The following FAM117B variants were observed in gnomAD, a reference collection of about 807,000 sequenced individuals.
FAM117B encodes protein FAM117B.
Under a neutral mutation model 52.8 loss-of-function variants are expected in FAM117B, and 22 were observed. That is an observed-to-expected ratio of 0.42 (90% confidence interval 0.30 to 0.59). The LOEUF (loss-of-function observed/expected upper bound fraction) is 0.59. Among genes scored for constraint, FAM117B ranks in the 20% least tolerant of loss-of-function variants. FAM117B has a pLI of 0.22. For synonymous variants in FAM117B, 309 were observed against 324.1 expected (o/e 0.95, Z 0.50); for missense variants, 678 against 802.6 (o/e 0.84, Z 1.88).
chr2:202,638,370 C>T lies in FAM117B; in HGVS notation c.601+2582C>T, dbSNP rs1689718378. Reference sequence around the variant, plus strand: ...AACAACTGTTTGACACTCAGAGAAACACCCTGAGGAGAACTGGGTTGAATT... The same window carrying T: ...AACAACTGTTTGACACTCAGAGAAATACCCTGAGGAGAACTGGGTTGAATT... On this transcript the variant is annotated intron_variant, in intron 1 of 7. Coordinates refer to ENST00000392238, the MANE Select transcript of FAM117B (RefSeq NM_173511.4). Among the ~76,000 whole-genome samples, 3 of 152,132 alleles carry T rather than the reference C, an allele frequency of 2.0e-5. No individual in the cohort carries two copies. In the South Asian group the frequency reaches 6.2e-4, roughly 32 times the overall value.
rs1692015561 is a variant in FAM117B, at chr2:202,768,281, C to T, written c.*2517C>T. The T allele has an allele frequency of 6.6e-6, 1 of 152,070 alleles. No individual in the cohort carries two copies. The highest frequency in any genetic ancestry group is 1.5e-5 in the Non-Finnish European group (1 of 68,014). 9.4% of individuals were successfully genotyped at this position (152,070 alleles called of 1,614,324 possible). On this transcript the variant is annotated 3_prime_UTR_variant, in exon 8 of 8. Coordinates refer to ENST00000392238, the MANE Select transcript of FAM117B (RefSeq NM_173511.4). ...TAATTCATATCTTTCTGTGGAGTTT[C>T]ATATGTCCTTAATCTAAAGTAACTT...
chr2:202,683,060 G>A (rs1690486826), intron 1 of FAM117B, among the ~76,000 whole-genome samples: 1 of 152,180 alleles, frequency 6.6e-6, no homozygotes, highest in Non-Finnish European at 1.5e-5. Flanking sequence ...AGGTGTAGTG[G>A]CTCATGCCTA....
At chr2:202,666,097 C>T (rs1483287570) in intron 1 of FAM117B, among the ~76,000 whole-genome samples, 3 of 152,062 alleles carry the variant, frequency 2.0e-5, no homozygotes, top group Admixed American at 6.5e-5. Context: ...ATTCATTCTG[C>T]AATTTGTGTC....
At position 202,768,941 on chromosome 2, in the gene FAM117B, C is replaced by G. The variant is rs1161747186; in HGVS notation, c.*3177C>G. On this transcript the variant is annotated 3_prime_UTR_variant, in exon 8 of 8. Transcript: ENST00000392238. The stretch of plus-strand genomic sequence containing the variant: ...TGATGATAAAAATAATATAAATTTA[C>G]TGTTTCTGATCATGACTGAGTCTAT... 6.6e-6 allele frequency: 1 copy of G among 151,948 alleles called. No individual in the cohort carries two copies. The highest frequency in any genetic ancestry group is 1.9e-4 in the East Asian group (1 of 5,190). 9.4% of individuals were successfully genotyped at this position (151,948 alleles called of 1,614,324 possible).
At chr2:202,765,376 A>C in intron 7 of FAM117B, 70 bp from the exon 8 acceptor site, 1 of 1,335,574 alleles carries the variant, frequency 7.5e-7, no homozygotes, top group Non-Finnish European at 1.0e-6. Context: ...GCTTGTTTCC[A>C]AGCTTTTTTT....
intron 2 of FAM117B, among the ~76,000 whole-genome samples, chr2:202,704,854 G>A (rs1407076361): frequency 1.3e-5 from 2 of 151,924 alleles, no homozygotes; most frequent in African/African-American, 4.8e-5. Context: ...GCCTGCCTCA[G>A]CCTCCCAAAG....
At chr2:202,732,320 G>T (rs1239970062) in intron 4 of FAM117B, among the ~76,000 whole-genome samples, 1 of 152,102 alleles carries the variant, frequency 6.6e-6, no homozygotes. Context: ...ATACCCAAGA[G>T]AATTGAAAAT....
chr2:202,665,201 A>G (rs1690184569), intron 1 of FAM117B, among the ~76,000 whole-genome samples: 1 of 144,716 alleles, frequency 6.9e-6, no homozygotes, highest in Admixed American at 7.0e-5. Context: ...TTTTTTTTTG[A>G]GACAGAGTTT....
At chr2:202,660,631 C>T (rs1423271386) in intron 1 of FAM117B, among the ~76,000 whole-genome samples, 1 of 152,170 alleles carries the variant, frequency 6.6e-6, no homozygotes. Flanking sequence ...GATTTATTTT[C>T]ACACTCTGTT....
chr2:202,679,924 T>C (rs992882979), intron 1 of FAM117B, among the ~76,000 whole-genome samples: 1 of 152,118 alleles, frequency 6.6e-6, no homozygotes, highest in Non-Finnish European at 1.5e-5. Context: ...TGACAAAAAT[T>C]TTTTAAAACT....
chr2:202,640,288 ACCACAAAATAT>A (rs1689748236), intron 1 of FAM117B, among the ~76,000 whole-genome samples: 1 of 110,808 alleles, frequency 9.0e-6, no homozygotes, highest in Non-Finnish European at 1.8e-5. Context: ...CACCACCACC[ACCACAAAATAT>A]ATATATATAT....
At chr2:202,731,662 C>G (rs1461657611) in intron 4 of FAM117B, among the ~76,000 whole-genome samples, 1 of 151,856 alleles carries the variant, frequency 6.6e-6, no homozygotes, top group East Asian at 1.9e-4. Flanking sequence ...GTACTCCTGA[C>G]CTCGTGAGCC....
intron 1 of FAM117B, among the ~76,000 whole-genome samples, chr2:202,670,293 T>C (rs1365293879): frequency 4.1e-5 from 6 of 146,322 alleles, no homozygotes; most frequent in South Asian, 2.1e-4. Flanking sequence ...TCTTTCTTTT[T>C]TTTTTCTTTT....
chr2:202,641,947 C>CTT (rs758973320), intron 1 of FAM117B, among the ~76,000 whole-genome samples: 17 of 125,398 alleles, frequency 1.4e-4, no homozygotes, highest in Non-Finnish European at 2.1e-4. Context: ...CAGATATTTT[C>CTT]TTTTTTTTTT....
chr2:202,643,835 G>T (rs1689810286), intron 1 of FAM117B, among the ~76,000 whole-genome samples: 1 of 152,042 alleles, frequency 6.6e-6, no homozygotes, highest in African/African-American at 2.4e-5. Context: ...TCAGCCTCCT[G>T]AGTAGCTGGG....
At chr2:202,691,351 G>T (rs954303108) in intron 1 of FAM117B, among the ~76,000 whole-genome samples, 2 of 152,112 alleles carry the variant, frequency 1.3e-5, no homozygotes, top group African/African-American at 4.8e-5. Context: ...CTTGGGAGGT[G>T]GAGGTTGCGG....
chr2:202,635,183 G>T lies in FAM117B; in HGVS notation c.-5G>T, dbSNP rs1689656037. On this transcript the variant is annotated 5_prime_UTR_variant, in exon 1 of 8. It introduces an in-frame stop codon into an upstream open reading frame of the 5' UTR. Coordinates refer to ENST00000392238, the MANE Select transcript of FAM117B (RefSeq NM_173511.4). ...CTCGCCCAGTCACCGGGGAGGGGGGGGACCATGTCCCAGCGGGTGAGGCGC... is the reference window on the plus strand; with the variant it reads ...CTCGCCCAGTCACCGGGGAGGGGGGTGACCATGTCCCAGCGGGTGAGGCGC... The T allele has an allele frequency of 3.9e-6, 5 of 1,276,278 alleles. No homozygotes were observed. Among genetic ancestry groups the T allele is most frequent in the South Asian group, 2.5e-5 (1 of 39,862 alleles). The allele number at this position is 1,276,278 out of a possible 1,614,324, so 79.1% of individuals were successfully genotyped here. A position where few individuals can be genotyped will look rare whatever the true frequency, so the allele number is the denominator to read the frequency against.
chr2:202,665,676 C>G (rs1690194035), intron 1 of FAM117B, among the ~76,000 whole-genome samples: 1 of 152,186 alleles, frequency 6.6e-6, no homozygotes, highest in Non-Finnish European at 1.5e-5. Flanking sequence ...TCTCGGCTCA[C>G]TGCAACTTCT....
At chr2:202,760,213 G>C (rs546724766) in intron 7 of FAM117B, among the ~76,000 whole-genome samples, 1 of 152,266 alleles carries the variant, frequency 6.6e-6, no homozygotes, top group African/African-American at 2.4e-5. Context: ...TTAGTTGTTT[G>C]CAGAATGTCT....
Sources: gnomAD v4.1 joint callset for allele counts (sites outside exome capture counted in the v4.1 genomes callset) on GRCh38, gnomAD v4.1.1 for gene constraint, MANE v1.5 for transcripts, NCBI Gene and HGNC (gene_info 2026-07-23, HGNC 2026-07-21) for gene names.